MEF2C: variants seen among roughly 807,000 people sequenced by gnomAD.
The protein encoded by MEF2C is myocyte enhancer factor 2C, also known as myocyte-specific enhancer factor 2C.
A neutral mutation model predicts 50.5 loss-of-function variants in MEF2C; 6 were observed. That is an observed-to-expected ratio of 0.12 (90% CI 0.07 to 0.23). The LOEUF (loss-of-function observed/expected upper bound fraction) is 0.23, where lower values mean the gene tolerates loss of function less well. Ranked by LOEUF, MEF2C falls within the 10% of genes least tolerant of loss-of-function variation. The probability of loss-of-function intolerance (pLI) is 1.00; values close to 1 mark genes in which losing one functional copy is unlikely to be tolerated. For missense variants in MEF2C, 276 were observed against 605.0 expected, an observed-to-expected ratio of 0.46 and a Z score of 5.70; for synonymous variants, 183 against 228.0, an observed-to-expected ratio of 0.80 and a Z score of 1.78.
At chr5:88,783,482 A>T (rs1580634586) in intron 3 of MEF2C, among the ~76,000 whole-genome samples, 1 of 152,048 alleles carries the variant, frequency 6.6e-6, no homozygotes, top group East Asian at 1.9e-4. Flanking sequence ...TACAAAAAAA[A>T]TTTAGCTGGG....
At chr5:88,780,299 C>T (rs185764930) in intron 3 of MEF2C, among the ~76,000 whole-genome samples, 3 of 152,230 alleles carry the variant, frequency 2.0e-5, no homozygotes, top group Admixed American at 1.3e-4. Flanking sequence ...GGTTTGATTT[C>T]GGTAGCCAGA....
intron 1 of MEF2C, among the ~76,000 whole-genome samples, chr5:88,840,772 TTATTTA>T (rs1345729924): frequency 2.0e-5 from 3 of 152,212 alleles, no homozygotes; most frequent in Non-Finnish European, 4.4e-5. Flanking sequence ...AATGACTAAA[TTATTTA>T]ATTCACTATT....
chr5:88,814,976 C>T (rs1203892374), intron 2 of MEF2C, among the ~76,000 whole-genome samples: 1 of 152,034 alleles, frequency 6.6e-6, no homozygotes, highest in Non-Finnish European at 1.5e-5. Context: ...CAGCAGGCTT[C>T]ACATTTTTTA....
At chr5:88,749,749 G>T (rs921199865) in intron 5 of MEF2C, among the ~76,000 whole-genome samples, 4 of 152,120 alleles carry the variant, frequency 2.6e-5, no homozygotes, top group East Asian at 3.9e-4. Context: ...TTTAGTTTTG[G>T]GCCTGGCGCG....
At chr5:88,774,568 C>T (rs775073775) in intron 3 of MEF2C, among the ~76,000 whole-genome samples, 8 of 152,150 alleles carry the variant, frequency 5.3e-5, no homozygotes, top group South Asian at 2.1e-4. Context: ...GTGATCTGCC[C>T]GCCTCGGCCT....
chr5:88,736,209 A>C lies in MEF2C; in HGVS notation c.638-4308T>G, dbSNP rs1764007112. ...CACCATTTGAATAAATATTTCAGCAACTCGGCCGGGCGCGGTGGCTCACGC... is the reference window on the plus strand; with the variant it reads ...CACCATTTGAATAAATATTTCAGCACCTCGGCCGGGCGCGGTGGCTCACGC... On this transcript the variant is annotated intron_variant, in intron 6 of 10. Transcript: ENST00000504921. 1.5e-5 allele frequency: 6 copies of C among 395,188 alleles called. 1 individual carries two copies. The highest frequency in any genetic ancestry group is 1.9e-5 in the Non-Finnish European group (6 of 317,624). The allele number at this position is 395,188 out of a possible 1,614,324, so 24.5% of individuals were successfully genotyped here.
chr5:88,829,938 C>T (rs1251724220), intron 1 of MEF2C, among the ~76,000 whole-genome samples: 1 of 151,896 alleles, frequency 6.6e-6, no homozygotes, highest in Non-Finnish European at 1.5e-5. Context: ...GGAACATGGC[C>T]TGCTGCTCGT....
At chr5:88,821,702 T>A (rs866010556) in intron 2 of MEF2C, among the ~76,000 whole-genome samples, 6 of 151,810 alleles carry the variant, frequency 4.0e-5, no homozygotes, top group African/African-American at 1.5e-4. Flanking sequence ...CTTTTTTTTT[T>A]TAAAAATTGA....
At chr5:88,885,490 T>C (rs991129738), upstream of MEF2C, among the ~76,000 whole-genome samples, 3 of 152,220 alleles carry the variant, frequency 2.0e-5, no homozygotes, top group African/African-American at 4.8e-5. Context: ...TGCAGATTAG[T>C]ATTTACAATG....
At chr5:88,760,804 C>T (rs763361032) in intron 4 of MEF2C, among the ~76,000 whole-genome samples, 1 of 152,200 alleles carries the variant, frequency 6.6e-6, no homozygotes, top group Non-Finnish European at 1.5e-5. Flanking sequence ...GATGGCAACT[C>T]TGTTAGATTA....
chr5:88,792,595 T>C (rs1794279101), intron 3 of MEF2C, among the ~76,000 whole-genome samples: 1 of 152,214 alleles, frequency 6.6e-6, no homozygotes, highest in Admixed American at 6.5e-5. Context: ...CTCATAGAGC[T>C]TTCTGTGATG....
intron 1 of MEF2C, among the ~76,000 whole-genome samples, chr5:88,841,305 G>A (rs1817258326): frequency 6.6e-6 from 1 of 152,056 alleles, no homozygotes; most frequent in Non-Finnish European, 1.5e-5. Context: ...AGCCCAGTTC[G>A]AGACCAGTCT....
intron 6 of MEF2C, chr5:88,739,554 T>C (rs1765601071): frequency 1.1e-5 from 11 of 984,430 alleles, no homozygotes; most frequent in Non-Finnish European, 1.2e-5. Flanking sequence ...AAATTGTGTA[T>C]CATAAACTTG....
chr5:88,724,502 CTCTT>C (rs937048301), intron 10 of MEF2C, among the ~76,000 whole-genome samples: 3 of 151,858 alleles, frequency 2.0e-5, no homozygotes, highest in African/African-American at 7.2e-5. Flanking sequence ...TAATAAGCGT[CTCTT>C]TCTCTAGCTT....
chr5:88,749,805 C>T (rs542502223), intron 5 of MEF2C, among the ~76,000 whole-genome samples: 29 of 152,188 alleles, frequency 1.9e-4, no homozygotes, highest in African/African-American at 7.0e-4. Flanking sequence ...CCCAGGTGGG[C>T]GGATCACGAG....
At chr5:88,842,266 C>A (rs1419043931) in intron 1 of MEF2C, among the ~76,000 whole-genome samples, 1 of 151,870 alleles carries the variant, frequency 6.6e-6, no homozygotes, top group African/African-American at 2.4e-5. Flanking sequence ...TTGGGTGCTA[C>A]AATATTAAGA....
intron 5 of MEF2C, among the ~76,000 whole-genome samples, chr5:88,749,912 C>A (rs1188278912): frequency 6.6e-6 from 1 of 152,014 alleles, no homozygotes; most frequent in African/African-American, 2.4e-5. Flanking sequence ...TGCCTGTGGT[C>A]CCAGCTACTC....
chr5:88,742,703 C>A, intron 6 of MEF2C: 1 of 985,316 alleles, frequency 1.0e-6, no homozygotes, highest in South Asian at 4.7e-5. Context: ...CCTGACTTAA[C>A]CTGTAACATT....
chr5:88,742,182 C>T (rs1186116913), intron 6 of MEF2C: 4 of 985,198 alleles, frequency 4.1e-6, no homozygotes, highest in African/African-American at 1.7e-5. Context: ...AACCAAATCC[C>T]CCCTTCAGCA....
Sources: gnomAD v4.1 joint callset for allele counts (sites outside exome capture counted in the v4.1 genomes callset) on GRCh38, gnomAD v4.1.1 for gene constraint, MANE v1.5 for transcripts, NCBI Gene and HGNC (gene_info 2026-07-23, HGNC 2026-07-21) for gene names.